ARHGAP42: variants seen among roughly 807,000 people sequenced by gnomAD.
ARHGAP42 encodes the protein rho GTPase-activating protein 42.
Under a neutral mutation model 125.0 loss-of-function variants are expected in ARHGAP42, and 63 were observed. The ratio of observed to expected loss-of-function variants is 0.50; its 90% CI spans 0.41 to 0.62. The LOEUF is 0.62. Among genes scored for constraint, ARHGAP42 ranks in the 20% least tolerant of loss-of-function variants. The probability of loss-of-function intolerance (pLI) is 0.00; values close to 1 mark genes in which losing one functional copy is unlikely to be tolerated. For synonymous variants in ARHGAP42, 339 were observed against 351.0 expected (o/e 0.97, Z 0.38); for missense variants, 766 against 1,024.2 (o/e 0.75, Z 3.44).
chr11:100,860,179 A>G (rs1381119352), intron 4 of ARHGAP42, among the ~76,000 whole-genome samples: 1 of 152,106 alleles, frequency 6.6e-6, no homozygotes, highest in Non-Finnish European at 1.5e-5. Context: ...ATGGGAGCAT[A>G]TAAAACTTAA....
intron 3 of ARHGAP42, among the ~76,000 whole-genome samples, chr11:100,829,620 G>A (rs1296403860): frequency 6.6e-6 from 1 of 152,122 alleles, no homozygotes; most frequent in Non-Finnish European, 1.5e-5. Flanking sequence ...ATATTGTTCA[G>A]TGATAGAAAT....
intron 18 of ARHGAP42, among the ~76,000 whole-genome samples, chr11:100,973,891 G>A (rs937395711): frequency 1.3e-5 from 2 of 152,194 alleles, no homozygotes; most frequent in African/African-American, 2.4e-5. Flanking sequence ...CCTTGTGAGA[G>A]AATGATTAAG....
intron 1 of ARHGAP42, among the ~76,000 whole-genome samples, chr11:100,698,527 T>G (rs945243774): frequency 1.3e-5 from 2 of 151,980 alleles, no homozygotes; most frequent in Admixed American, 6.6e-5. Flanking sequence ...AATACAAAAT[T>G]AGCCGGGCAT....
At chr11:100,863,029 C>T (rs1040770228) in intron 4 of ARHGAP42, among the ~76,000 whole-genome samples, 2 of 76,876 alleles carry the variant, frequency 2.6e-5, no homozygotes, top group Non-Finnish European at 5.0e-5. Flanking sequence ...AAGAGCGAAA[C>T]TCCGTCTCAA....
chr11:100,817,519 G>A (rs538967425), intron 3 of ARHGAP42, among the ~76,000 whole-genome samples: 2 of 152,198 alleles, frequency 1.3e-5, no homozygotes, highest in South Asian at 4.1e-4. Context: ...AGGAAATGTT[G>A]AATTGAATTC....
At chr11:100,809,941 C>CAA (rs555332159) in intron 3 of ARHGAP42, among the ~76,000 whole-genome samples, 1 of 134,586 alleles carries the variant, frequency 7.4e-6, no homozygotes, top group African/African-American at 2.7e-5. Context: ...ACTCTGTCTC[C>CAA]AAAAAAAAAA....
chr11:100,695,127 A>G (rs1442434837), intron 1 of ARHGAP42, among the ~76,000 whole-genome samples: 1 of 152,278 alleles, frequency 6.6e-6, no homozygotes, highest in Non-Finnish European at 1.5e-5. Context: ...ATTCTGAGTT[A>G]TAATGGCTGG....
At chr11:100,937,260 T>C (rs1867761865) in intron 8 of ARHGAP42, among the ~76,000 whole-genome samples, 1 of 152,140 alleles carries the variant, frequency 6.6e-6, no homozygotes, top group African/African-American at 2.4e-5. Flanking sequence ...GTCTACTGTT[T>C]TCATATCTAA....
rs373879631 is a variant in ARHGAP42, at chr11:100,964,995, C to T, written c.1445-676C>T. On this transcript the variant is annotated intron_variant, in intron 16 of 23. Coordinates refer to ENST00000298815, the MANE Select transcript of ARHGAP42 (RefSeq NM_152432.4). The stretch of plus-strand genomic sequence containing the variant: ...AAGAGGTTTAATTGACTCACAGTTC[C>T]GCAGGGCTGGGAAGGACTCGGGAAA... 5.3e-5 allele frequency among the ~76,000 whole-genome samples: 8 copies of T among 152,186 alleles called. No homozygotes were observed. The East Asian group carries it at 1.4e-3, about 26-fold the overall frequency.
At chr11:100,953,631 A>C (rs142217204) in intron 12 of ARHGAP42, among the ~76,000 whole-genome samples, 88 of 152,290 alleles carry the variant, frequency 5.8e-4, no homozygotes, top group Non-Finnish European at 1.0e-3. Context: ...AAGTCTTCCT[A>C]CCTTGTATTA....
chr11:100,782,264 T>C (rs2135012647), intron 2 of ARHGAP42, among the ~76,000 whole-genome samples: 2 of 152,354 alleles, frequency 1.3e-5, no homozygotes, highest in Middle Eastern at 6.8e-3. Flanking sequence ...ATATATGTGA[T>C]TCATTATAAC....
At chr11:100,953,963 CAT>C (rs199922763) in intron 12 of ARHGAP42, among the ~76,000 whole-genome samples, 1,749 of 9,484 alleles carry the variant, frequency 0.18, 11 homozygotes, top group Admixed American at 0.23. Context: ...GTAGCTCACC[CAT>C]ATGTTTTCTG....
chr11:100,779,441 G>T (rs550848506), intron 2 of ARHGAP42, among the ~76,000 whole-genome samples: 11 of 79,316 alleles, frequency 1.4e-4, no homozygotes, highest in Non-Finnish European at 2.2e-4. Flanking sequence ...GCGAGACTGC[G>T]TCTCAAAAAA....
At chr11:100,931,616 T>C (rs1404598843) in intron 6 of ARHGAP42, among the ~76,000 whole-genome samples, 2 of 152,212 alleles carry the variant, frequency 1.3e-5, no homozygotes, top group Non-Finnish European at 1.5e-5. Flanking sequence ...GACAGTTTAA[T>C]TGTGGATTAA....
At position 100,864,207 on chromosome 11, in the gene ARHGAP42, C is replaced by T. The variant is rs1445486194; in HGVS notation, c.384+4582C>T. Among the ~76,000 whole-genome samples the T allele has an allele frequency of 3.4e-5, 5 of 147,466 alleles. No homozygotes were observed. The East Asian group carries it at 6.0e-4, about 18-fold the overall frequency. ...TGAGGATTTTTTTTTTTTTTTGAGA[C>T]GGAGTCTCACTCTGTCACCCAGGCT... On this transcript the variant is annotated intron_variant, in intron 4 of 23. Transcript: ENST00000298815.
At chr11:100,742,454 T>C (rs1194921394) in intron 1 of ARHGAP42, among the ~76,000 whole-genome samples, 1 of 152,188 alleles carries the variant, frequency 6.6e-6, no homozygotes, top group African/African-American at 2.4e-5. Flanking sequence ...CTCTGGGTGG[T>C]GGTGGTCATA....
intron 4 of ARHGAP42, among the ~76,000 whole-genome samples, chr11:100,897,015 T>C (rs1866381830): frequency 1.3e-5 from 2 of 152,236 alleles, no homozygotes; most frequent in Non-Finnish European, 2.9e-5. Flanking sequence ...TTAATTTTTG[T>C]ATAAGGTGTA....
intron 4 of ARHGAP42, among the ~76,000 whole-genome samples, chr11:100,899,669 C>CTTT (rs569714822): frequency 0.058 from 7,453 of 128,586 alleles, 351 homozygotes; most frequent in East Asian, 0.55. Flanking sequence ...GTAGTCCCTG[C>CTTT]TTTTTGTTTG....
Position 100,913,596 on chromosome 11 carries a change from T to C in ARHGAP42, c.486+43T>C, listed in dbSNP as rs758315141. 8.7e-5 allele frequency: 95 copies of C among 1,092,320 alleles called. No homozygotes were observed. The African/African-American group carries it at 1.4e-3, about 17-fold the overall frequency. 67.7% of individuals were successfully genotyped at this position (1,092,320 alleles called of 1,614,324 possible). On this transcript the variant is annotated intron_variant, in intron 5 of 23. Coordinates refer to ENST00000298815, the MANE Select transcript of ARHGAP42 (RefSeq NM_152432.4). Reference sequence around the variant, plus strand: ...AAATAATGGAAAAGGCATTAAGTCATATAAAGTCAAAATTTCCAAAGGTAA... The same window carrying C: ...AAATAATGGAAAAGGCATTAAGTCACATAAAGTCAAAATTTCCAAAGGTAA...
Sources: gnomAD v4.1 joint callset for allele counts (sites outside exome capture counted in the v4.1 genomes callset) on GRCh38, gnomAD v4.1.1 for gene constraint, MANE v1.5 for transcripts, NCBI Gene and HGNC (gene_info 2026-07-23, HGNC 2026-07-21) for gene names.